The following ZBTB26 variants were observed in gnomAD, a reference collection of about 807,000 sequenced individuals.
ZBTB26 encodes zinc finger and BTB domain containing 26.
A neutral mutation model predicts 31.6 loss-of-function variants in ZBTB26; 12 were observed. The observed-to-expected ratio is 0.38, with a 90% CI of 0.24 to 0.61. The LOEUF is 0.61. Ranked by LOEUF, ZBTB26 falls within the 20% of genes least tolerant of loss-of-function variation. The probability of loss-of-function intolerance (pLI) is 0.60; values close to 1 mark genes in which losing one functional copy is unlikely to be tolerated. For missense variants in ZBTB26, 311 were observed against 521.9 expected (o/e 0.60, Z 3.94); for synonymous variants, 155 against 182.9 (o/e 0.85, Z 1.23).
intron 1 of ZBTB26, among the ~76,000 whole-genome samples, chr9:122,924,530 A>G (rs1362662009): frequency 6.6e-6 from 1 of 151,742 alleles, no homozygotes; most frequent in Non-Finnish European, 1.5e-5. Flanking sequence ...CTTCATTATG[A>G]TATCTTCTTT....
At chr9:122,930,108 C>A (rs770208627) in intron 1 of ZBTB26, among the ~76,000 whole-genome samples, 9 of 152,154 alleles carry the variant, frequency 5.9e-5, no homozygotes, top group Non-Finnish European at 1.3e-4. Flanking sequence ...AAACTTTTAC[C>A]TCTAGCTACA....
At chr9:122,928,520 C>A (rs1374872007) in intron 1 of ZBTB26, among the ~76,000 whole-genome samples, 1 of 152,132 alleles carries the variant, frequency 6.6e-6, no homozygotes, top group African/African-American at 2.4e-5. Flanking sequence ...AATTACTTAA[C>A]TATTGAACTG....
In ZBTB26 at chr9:122,918,426, G is replaced by A; in HGVS notation, c.*183C>T. 1.3e-6 allele frequency: 1 copy of A among 767,822 alleles called. No homozygotes were observed. Among genetic ancestry groups the A allele is most frequent in the Non-Finnish European group, 2.0e-6 (1 of 502,008 alleles). 47.6% of individuals were successfully genotyped at this position (767,822 alleles called of 1,614,324 possible). A position where few individuals can be genotyped will look rare whatever the true frequency, so the allele number is the denominator to read the frequency against. On this transcript the variant is annotated 3_prime_UTR_variant, in exon 2 of 2. Transcript: ENST00000373656. ...AAATAACTCAAAACAGAAAATGGGA[G>A]AGGGCAAAAGTAAGGCAAATCCACT...
intron 1 of ZBTB26, among the ~76,000 whole-genome samples, chr9:122,922,111 G>A (rs1833109554): frequency 6.6e-6 from 1 of 151,840 alleles, no homozygotes; most frequent in African/African-American, 2.4e-5. Flanking sequence ...GGTGGCACGT[G>A]CCTGTAGTCC....
intron 1 of ZBTB26, among the ~76,000 whole-genome samples, chr9:122,920,914 A>G (rs1246352267): frequency 1.3e-5 from 2 of 152,178 alleles, no homozygotes; most frequent in Non-Finnish European, 2.9e-5. Flanking sequence ...TGTTCCCTCT[A>G]ATACAGTTTT....
At chr9:122,926,877 G>T (rs1833190864) in intron 1 of ZBTB26, among the ~76,000 whole-genome samples, 1 of 152,092 alleles carries the variant, frequency 6.6e-6, no homozygotes, top group Admixed American at 6.6e-5. Flanking sequence ...TAAAAATTAT[G>T]AATATATTTG....
At chr9:122,927,995 C>T (rs1833209301) in intron 1 of ZBTB26, among the ~76,000 whole-genome samples, 2 of 151,920 alleles carry the variant, frequency 1.3e-5, no homozygotes, top group South Asian at 4.1e-4. Context: ...CCACCAAGCC[C>T]GGATAATTTT....
intron 1 of ZBTB26, among the ~76,000 whole-genome samples, chr9:122,926,562 G>A (rs1464249901): frequency 6.6e-6 from 1 of 150,800 alleles, no homozygotes; most frequent in East Asian, 1.9e-4. Context: ...CTTACATTCA[G>A]TATCACAAAC....
intron 1 of ZBTB26, among the ~76,000 whole-genome samples, chr9:122,925,255 C>T (rs990025649): frequency 3.3e-5 from 5 of 152,042 alleles, no homozygotes; most frequent in Non-Finnish European, 7.4e-5. Flanking sequence ...CGCCTGTAGT[C>T]CCAGCTTCTT....
intron 1 of ZBTB26, among the ~76,000 whole-genome samples, chr9:122,923,182 T>C (rs1588130500): frequency 3.1e-5 from 1 of 32,706 alleles, no homozygotes; most frequent in Admixed American, 3.1e-4. Context: ...AGACTCCATC[T>C]CAAAAAAAAA....
rs1588128100 is a variant in ZBTB26 at position 122,917,267 on chromosome 9, A to G, written c.*1342T>C. The G allele has an allele frequency of 6.6e-6, 1 of 152,344 alleles. No individual in the cohort carries two copies. Among genetic ancestry groups the G allele is most frequent in the African/African-American group, 2.4e-5 (1 of 41,572 alleles). 9.4% of individuals were successfully genotyped at this position (152,344 alleles called of 1,614,324 possible). A position where few individuals can be genotyped will look rare whatever the true frequency, so the allele number is the denominator to read the frequency against. ...AAGAAGGAAGAAGATGCTAGCTCATATTTAGTTATACCTTGGTCAATATTG... is the reference window on the plus strand; with the variant it reads ...AAGAAGGAAGAAGATGCTAGCTCATGTTTAGTTATACCTTGGTCAATATTG... On this transcript the variant is annotated 3_prime_UTR_variant, in exon 2 of 2. Transcript: ENST00000373656.
At chr9:122,921,316 C>T (rs1833094864) in intron 1 of ZBTB26, among the ~76,000 whole-genome samples, 1 of 152,202 alleles carries the variant, frequency 6.6e-6, no homozygotes, top group Non-Finnish European at 1.5e-5. Flanking sequence ...AATTGACATT[C>T]TCTTTATATA....
intron 1 of ZBTB26, among the ~76,000 whole-genome samples, chr9:122,922,812 G>A (rs147359749): frequency 4.6e-5 from 7 of 152,300 alleles, no homozygotes; most frequent in Admixed American, 1.3e-4. Flanking sequence ...AAAGAACTTG[G>A]TAACTGACTG....
chr9:122,923,885 T>C (rs1211706548), intron 1 of ZBTB26, among the ~76,000 whole-genome samples: 1 of 152,234 alleles, frequency 6.6e-6, no homozygotes, highest in Non-Finnish European at 1.5e-5. Context: ...TATAATACCA[T>C]ATTTTTACTG....
At chr9:122,925,029 A>G (rs1259087671) in intron 1 of ZBTB26, among the ~76,000 whole-genome samples, 1 of 152,172 alleles carries the variant, frequency 6.6e-6, no homozygotes, top group East Asian at 1.9e-4. Flanking sequence ...AATAAGAGAA[A>G]TGATACCTAA....
In ZBTB26 at chr9:122,919,680, G is replaced by A; in HGVS notation, c.255C>T (p.Leu85=). The change falls in exon 2 of 2, where the codon CTC becomes CTT. Residue 85 remains leucine, a synonymous_variant. Coordinates refer to ENST00000373656, the MANE Select transcript of ZBTB26 (RefSeq NM_020924.4). The surrounding 1 kb of genome is among the most constrained non-coding windows in gnomAD (Gnocchi z 6.1). ...LQSSEVGRQL[L]LSCYSGVLEF... Reference sequence around the variant, plus strand: ...CCAGCACACCACTATAACAGGATAAGAGCAATTGTCTCCCCACTTCGGAAC... The same window carrying A: ...CCAGCACACCACTATAACAGGATAAAAGCAATTGTCTCCCCACTTCGGAAC... The A allele has an allele frequency of 6.2e-7, 1 of 1,614,188 alleles. No homozygotes were observed. The highest frequency in any genetic ancestry group is 2.2e-5 in the East Asian group (1 of 44,886).
intron 1 of ZBTB26, among the ~76,000 whole-genome samples, chr9:122,922,374 C>T (rs907549980): frequency 1.3e-5 from 2 of 152,250 alleles, no homozygotes; most frequent in African/African-American, 4.8e-5. Context: ...CATACTTCTA[C>T]TGTAACACTC....
At position 122,918,461 on chromosome 9, in the gene ZBTB26, A is replaced by G; in HGVS notation, c.*148T>C. 1.7e-6 allele frequency: 2 copies of G among 1,198,690 alleles called. No homozygotes were observed. Among genetic ancestry groups the G allele is most frequent in the Non-Finnish European group, 2.3e-6 (2 of 874,766 alleles). 74.3% of individuals were successfully genotyped at this position (1,198,690 alleles called of 1,614,324 possible). ...GTAAGGCAAATCCACTCCAAGTGGT[A>G]AGTTGCCTGGTCTATTAGTGCTTTG... is the stretch of plus-strand genomic sequence containing the variant. On this transcript the variant is annotated 3_prime_UTR_variant, in exon 2 of 2. Coordinates refer to ENST00000373656, the MANE Select transcript of ZBTB26 (RefSeq NM_020924.4).
In ZBTB26 at chr9:122,918,421, T is replaced by G; in HGVS notation, c.*188A>C. ...AAGATAAATAACTCAAAACAGAAAA[T>G]GGGAGAGGGCAAAAGTAAGGCAAAT... On this transcript the variant is annotated 3_prime_UTR_variant, in exon 2 of 2. Transcript: ENST00000373656. The G allele has an allele frequency of 1.4e-6, 1 of 715,646 alleles. No individual in the cohort carries two copies. The highest frequency in any genetic ancestry group is 2.2e-6 in the Non-Finnish European group (1 of 458,302). The allele number at this position is 715,646 out of a possible 1,614,324, so 44.3% of individuals were successfully genotyped here.
Sources: gnomAD v4.1 joint callset for allele counts (sites outside exome capture counted in the v4.1 genomes callset) on GRCh38, gnomAD v4.1.1 for gene constraint, Gnocchi (gnomAD v3.1) non-coding constraint, MANE v1.5 for transcripts, NCBI Gene and HGNC (gene_info 2026-07-23, HGNC 2026-07-21) for gene names.